The following FSTL4 variants were observed in gnomAD, a reference collection of about 807,000 sequenced individuals.
FSTL4 encodes the protein follistatin-related protein 4.
In FSTL4, 28 loss-of-function variants were observed where a neutral mutation model predicts 78.2. The ratio of observed to expected loss-of-function variants is 0.36; its 90% CI spans 0.27 to 0.49. The LOEUF (loss-of-function observed/expected upper bound fraction) is 0.49. Among genes scored for constraint, FSTL4 ranks in the 20% least tolerant of loss-of-function variants. The pLI, the probability that FSTL4 is intolerant of heterozygous loss-of-function variation, is 0.98. For missense variants in FSTL4, 922 were observed against 1,084.9 expected, an observed-to-expected ratio of 0.85 and a Z score of 2.11; for synonymous variants, 422 against 440.5, an observed-to-expected ratio of 0.96 and a Z score of 0.53.
intron 13 of FSTL4, 90 bp downstream of exon 13, chr5:133,217,127 CCACCTGGCACAG>C (rs1750933379): frequency 1.1e-6 from 1 of 896,802 alleles, no homozygotes. Context: ...TTCAGTCTGA[CCACCTGGCACAG>C]GAGCTGGGGA....
At chr5:133,353,437 C>T (rs557986721) in intron 4 of FSTL4, among the ~76,000 whole-genome samples, 12 of 152,306 alleles carry the variant, frequency 7.9e-5, no homozygotes, top group Middle Eastern at 3.4e-3. Flanking sequence ...AAGGGGCGTG[C>T]GAGGGGTCCC....
chr5:133,380,676 C>T (rs910592049), intron 4 of FSTL4, among the ~76,000 whole-genome samples: 13 of 151,764 alleles, frequency 8.6e-5, no homozygotes, highest in Admixed American at 4.6e-4. Context: ...CATTCTGTGA[C>T]TTCAATATCA....
At chr5:133,705,867 A>ACG in the FSTL4 span, among the ~76,000 whole-genome samples, 3 of 132,350 alleles carry the variant, frequency 2.3e-5, no homozygotes, top group Non-Finnish European at 3.3e-5. Context: ...GCACACACAC[A>ACG]CGCACACACA....
At chr5:133,531,854 A>G (rs1328734099) in intron 3 of FSTL4, among the ~76,000 whole-genome samples, 1 of 152,196 alleles carries the variant, frequency 6.6e-6, no homozygotes, top group Non-Finnish European at 1.5e-5. Context: ...ACAACCCTTC[A>G]ATAATCTGCA....
At chr5:133,299,435 A>C (rs1753481219) in intron 6 of FSTL4, among the ~76,000 whole-genome samples, 2 of 152,136 alleles carry the variant, frequency 1.3e-5, no homozygotes, top group South Asian at 2.1e-4. Flanking sequence ...CTTCCCCTTC[A>C]CATGGGCTGC....
At chr5:133,835,835 A>G in the FSTL4 span, among the ~76,000 whole-genome samples, 2 of 152,144 alleles carry the variant, frequency 1.3e-5, no homozygotes, top group African/African-American at 4.8e-5. Flanking sequence ...AAATAAGTCT[A>G]TTTCTCCTTT....
At chr5:133,661,390 T>C in the FSTL4 span, among the ~76,000 whole-genome samples, 10 of 152,306 alleles carry the variant, frequency 6.6e-5, no homozygotes, top group African/African-American at 2.4e-4. Flanking sequence ...TAGTAAGAGC[T>C]TCACTCGGTG....
intron 4 of FSTL4, among the ~76,000 whole-genome samples, chr5:133,365,257 A>AATC (rs1755159463): frequency 6.6e-6 from 1 of 150,462 alleles, no homozygotes; most frequent in African/African-American, 2.4e-5. Flanking sequence ...TAATAATAAT[A>AATC]ATAAACCTTA....
intron 3 of FSTL4, among the ~76,000 whole-genome samples, chr5:133,508,202 G>A (rs1758651004): frequency 6.6e-6 from 1 of 152,168 alleles, no homozygotes; most frequent in South Asian, 2.1e-4. Context: ...ATTGCAGGTA[G>A]GATTGGTGCC....
chr5:133,447,510 G>T (rs533105480), intron 3 of FSTL4, among the ~76,000 whole-genome samples: 1 of 152,238 alleles, frequency 6.6e-6, no homozygotes, highest in South Asian at 2.1e-4. Context: ...CACATGATAA[G>T]CAACCATGTA....
At chr5:133,432,739 CTGGG>C (rs922975549) in intron 3 of FSTL4, among the ~76,000 whole-genome samples, 3 of 152,112 alleles carry the variant, frequency 2.0e-5, no homozygotes, top group African/African-American at 7.2e-5. Context: ...AGATAGGATG[CTGGG>C]TGGGTGGGTG....
intron 13 of FSTL4, among the ~76,000 whole-genome samples, chr5:133,215,221 T>C (rs953695599): frequency 6.6e-6 from 1 of 152,176 alleles, no homozygotes; most frequent in South Asian, 2.1e-4. Context: ...AGGTTATTCC[T>C]CCTTGGTCTC....
At chr5:133,394,351 G>A (rs578231575) in intron 4 of FSTL4, among the ~76,000 whole-genome samples, 13 of 152,362 alleles carry the variant, frequency 8.5e-5, no homozygotes, top group Middle Eastern at 3.4e-3. Context: ...GGGAGGTGTG[G>A]AGGGAGAGGC....
the FSTL4 span, among the ~76,000 whole-genome samples, chr5:133,738,178 T>A: frequency 1.3e-5 from 2 of 152,260 alleles, no homozygotes; most frequent in Middle Eastern, 3.4e-3. Flanking sequence ...AACATCACTC[T>A]CTCTGTCCTT....
chr5:133,831,162 C>T, the FSTL4 span, among the ~76,000 whole-genome samples: 1 of 152,162 alleles, frequency 6.6e-6, no homozygotes. Context: ...TGGATTTAAG[C>T]CCCAGTGAGT....
Position 133,222,457 on chromosome 5 carries a change from T to C in FSTL4, c.1340-1591A>G, listed in dbSNP as rs552630939. On this transcript the variant is annotated intron_variant, in intron 11 of 15. Transcript: ENST00000265342. Reference sequence around the variant, plus strand: ...TTCTGTACTCTTTCACCTGACAAACTGCTTCCACGCAAACCTAGGGGCCAG... The same window carrying C: ...TTCTGTACTCTTTCACCTGACAAACCGCTTCCACGCAAACCTAGGGGCCAG... Among the ~76,000 whole-genome samples, 5 of 152,262 alleles carry C rather than the reference T, an allele frequency of 3.3e-5. No individual in the cohort carries two copies. The East Asian group carries it at 5.8e-4, about 18-fold the overall frequency.
intron 6 of FSTL4, among the ~76,000 whole-genome samples, chr5:133,304,326 T>A (rs1010006712): frequency 6.6e-6 from 1 of 152,150 alleles, no homozygotes; most frequent in East Asian, 1.9e-4. Context: ...GCATGCAAAA[T>A]TTCGAGCTTT....
At chr5:133,708,167 G>A in the FSTL4 span, among the ~76,000 whole-genome samples, 1 of 143,694 alleles carries the variant, frequency 7.0e-6, no homozygotes, top group Non-Finnish European at 1.5e-5. Context: ...AGGGAGAGAG[G>A]GAGGGAGGGA....
intron 3 of FSTL4, among the ~76,000 whole-genome samples, chr5:133,461,652 A>G (rs1022898054): frequency 2.6e-5 from 4 of 152,210 alleles, no homozygotes; most frequent in Non-Finnish European, 5.9e-5. Flanking sequence ...GGGGCGCCCA[A>G]TAAGATATTT....
Sources: allele counts gnomAD v4.1 joint callset (sites outside exome capture counted in the v4.1 genomes callset), GRCh38; gene constraint gnomAD v4.1.1; transcripts MANE v1.5; gene names NCBI Gene and HGNC (gene_info 2026-07-23, HGNC 2026-07-21).